Variants in PTBP3 observed in about 807,000 individuals in gnomAD.
The protein encoded by PTBP3 is polypyrimidine tract binding protein 3, also known as polypyrimidine tract-binding protein 3.
Under a neutral mutation model 58.7 loss-of-function variants are expected in PTBP3, and 20 were observed. The observed-to-expected ratio is 0.34, with a 90% confidence interval of 0.24 to 0.50. The LOEUF (loss-of-function observed/expected upper bound fraction) is 0.50, where lower values mean the gene tolerates loss of function less well. Among genes scored for constraint, PTBP3 ranks in the 20% least tolerant of loss-of-function variants. The pLI is 0.98. For missense variants in PTBP3, 509 were observed against 637.2 expected, an observed-to-expected ratio of 0.80 and a Z score of 2.17; for synonymous variants, 185 against 219.8, an observed-to-expected ratio of 0.84 and a Z score of 1.40.
intron 1 of PTBP3, among the ~76,000 whole-genome samples, chr9:112,298,916 TAAG>T (rs760734559): frequency 3.9e-5 from 6 of 152,132 alleles, no homozygotes; most frequent in Non-Finnish European, 5.9e-5. Context: ...CATCTGGGAA[TAAG>T]AAGAAGGAAT....
chr9:112,220,252 C>T lies in PTBP3; in HGVS notation c.*3599G>A. 1 of 1,344,802 alleles carries T rather than the reference C, an allele frequency of 7.4e-7. No individual in the cohort carries two copies. The highest frequency in any genetic ancestry group is 9.8e-7 in the Non-Finnish European group (1 of 1,018,666). 83.3% of individuals were successfully genotyped at this position (1,344,802 alleles called of 1,614,324 possible). On this transcript the variant is annotated 3_prime_UTR_variant, in exon 14 of 14. Coordinates refer to ENST00000374257, the MANE Select transcript of PTBP3 (RefSeq NM_001163788.4). ...ATGCTAAACATGTAAGCACTGCTGA[C>T]TGATGGCACGGAGACACTGAAAAGA...
At chr9:112,290,288 A>G (rs992555837) in intron 2 of PTBP3, among the ~76,000 whole-genome samples, 13 of 152,240 alleles carry the variant, frequency 8.5e-5, no homozygotes, top group Admixed American at 2.6e-4. Flanking sequence ...ATCAGTAAGC[A>G]TATGAAAATA....
At chr9:112,297,260 A>G (rs1005159011) in intron 2 of PTBP3, among the ~76,000 whole-genome samples, 1 of 152,184 alleles carries the variant, frequency 6.6e-6, no homozygotes, top group African/African-American at 2.4e-5. Context: ...GCTGAAGTGC[A>G]ATGGCACGTT....
At chr9:112,269,715 T>C (rs1350543444) in intron 3 of PTBP3, among the ~76,000 whole-genome samples, 1 of 152,176 alleles carries the variant, frequency 6.6e-6, no homozygotes, top group African/African-American at 2.4e-5. Flanking sequence ...AATTGGACTG[T>C]ATGGGATTTT....
chr9:112,355,621 CTTTTTT>C, the PTBP3 span, among the ~76,000 whole-genome samples: 7 of 127,806 alleles, frequency 5.5e-5, no homozygotes, highest in South Asian at 2.6e-4. Context: ...AACTCTTTTT[CTTTTTT>C]TTTTTTTTTT....
At chr9:112,369,482 G>A in the PTBP3 span, among the ~76,000 whole-genome samples, 1 of 152,196 alleles carries the variant, frequency 6.6e-6, no homozygotes, top group Admixed American at 6.5e-5. Flanking sequence ...TATCCCTCTG[G>A]ATTTTGGACT....
chr9:112,338,556 A>G (rs987529459), upstream of PTBP3, among the ~76,000 whole-genome samples: 1 of 152,216 alleles, frequency 6.6e-6, no homozygotes, highest in African/African-American at 2.4e-5. Flanking sequence ...TAATTAAACA[A>G]TAACAAACAT....
the PTBP3 span, among the ~76,000 whole-genome samples, chr9:112,379,236 C>T: frequency 6.6e-6 from 1 of 152,156 alleles, no homozygotes; most frequent in East Asian, 1.9e-4. Flanking sequence ...CATCTCCAGG[C>T]TAGTTTCTTT....
intron 8 of PTBP3, among the ~76,000 whole-genome samples, chr9:112,234,179 T>C (rs1372797070): frequency 6.6e-6 from 1 of 152,222 alleles, no homozygotes; most frequent in Non-Finnish European, 1.5e-5. Flanking sequence ...TCTCTTTTCC[T>C]TAAATTATAA....
chr9:112,271,130 G>C lies in PTBP3; in HGVS notation c.205-2935C>G, dbSNP rs543803658. Among the ~76,000 whole-genome samples, 9 of 152,084 alleles carry C rather than the reference G, an allele frequency of 5.9e-5. No individual in the cohort carries two copies. The South Asian group carries it at 1.9e-3, about 32-fold the overall frequency. ...GCAAGAGCCACCATGCTCAGCTTTA[G>C]GTTCCTTTTTAAGTACTGAGGCATT... On this transcript the variant is annotated intron_variant, in intron 3 of 13. Transcript: ENST00000374257.
At position 112,223,349 on chromosome 9, in the gene PTBP3, C is replaced by A. The variant is rs1834867114; in HGVS notation, c.*502G>T. 1 of 973,896 alleles carries A rather than the reference C, an allele frequency of 1.0e-6. No individual in the cohort carries two copies. Among genetic ancestry groups the A allele is most frequent in the Non-Finnish European group, 1.2e-6 (1 of 818,988 alleles). 60.3% of individuals were successfully genotyped at this position (973,896 alleles called of 1,614,324 possible). The stretch of plus-strand genomic sequence containing the variant: ...ATAACCATCAATATATGGCAAAGAT[C>A]TGATGTACTTTATATGTGAATATAA... On this transcript the variant is annotated 3_prime_UTR_variant, in exon 14 of 14. Transcript: ENST00000374257.
rs192094511 is a variant in PTBP3, at chr9:112,235,105, G to C, written c.803-208C>G. On this transcript the variant is annotated intron_variant, in intron 7 of 13. Transcript: ENST00000374257. ...CTTTTCAATTGGGTTCAAGGACCAAGAGTACAGTTTAGCTATGATTTAGTT... is the reference window on the plus strand; with the variant it reads ...CTTTTCAATTGGGTTCAAGGACCAACAGTACAGTTTAGCTATGATTTAGTT... Among the ~76,000 whole-genome samples the C allele has an allele frequency of 1.7e-4, 26 of 152,224 alleles. No homozygotes were observed. In the East Asian group the frequency reaches 4.4e-3, roughly 26 times the overall value.
chr9:112,339,901 T>A, the PTBP3 span, among the ~76,000 whole-genome samples: 1 of 152,180 alleles, frequency 6.6e-6, no homozygotes, highest in Non-Finnish European at 1.5e-5. Context: ...TAAATTTCTA[T>A]CAGGATTATA....
At chr9:112,302,394 C>T (rs1285592633) in intron 1 of PTBP3, among the ~76,000 whole-genome samples, 1 of 43,052 alleles carries the variant, frequency 2.3e-5, no homozygotes, top group Non-Finnish European at 3.9e-5. Flanking sequence ...AAACAAGTTA[C>T]CTGCTGTGAG....
chr9:112,289,906 A>G (rs1021895064), intron 2 of PTBP3, among the ~76,000 whole-genome samples: 2 of 152,220 alleles, frequency 1.3e-5, no homozygotes, highest in Admixed American at 1.3e-4. Context: ...TTTCTTTAAC[A>G]TTCAGCTTCA....
At chr9:112,356,483 G>C in the PTBP3 span, among the ~76,000 whole-genome samples, 4 of 151,596 alleles carry the variant, frequency 2.6e-5, no homozygotes, top group Non-Finnish European at 5.9e-5. Context: ...TGACATAGCA[G>C]TTGTCATATA....
chr9:112,289,471 A>G (rs1828281044), intron 2 of PTBP3, among the ~76,000 whole-genome samples: 1 of 152,174 alleles, frequency 6.6e-6, no homozygotes, highest in African/African-American at 2.4e-5. Flanking sequence ...ACAGTTTATA[A>G]GTATTTTGGT....
At position 112,333,523 on chromosome 9, in the gene PTBP3, G is replaced by GC; in HGVS notation, c.-106dup. On this transcript the variant is annotated 5_prime_UTR_variant, in exon 1 of 14. Coordinates refer to ENST00000374257, the MANE Select transcript of PTBP3 (RefSeq NM_001163788.4). ...CAGAGCAGGGACTGACGGGCTAACC[G>GC]CGAGCAGAGGAAGCAGGCGGCGGCA... 1 of 1,576,870 alleles carries GC rather than the reference G, an allele frequency of 6.3e-7. No individual in the cohort carries two copies.
chr9:112,245,140 C>CT (rs1225507676), intron 7 of PTBP3, among the ~76,000 whole-genome samples: 1 of 152,154 alleles, frequency 6.6e-6, no homozygotes, highest in Non-Finnish European at 1.5e-5. Context: ...AAAACCCTGT[C>CT]TCTACAAAAA....
Sources: gnomAD v4.1 joint callset for allele counts (sites outside exome capture counted in the v4.1 genomes callset) on GRCh38, gnomAD v4.1.1 for gene constraint, MANE v1.5 for transcripts, NCBI Gene and HGNC (gene_info 2026-07-23, HGNC 2026-07-21) for gene names.